The following DGKB variants were observed in gnomAD, a reference collection of about 807,000 sequenced individuals.
The protein encoded by DGKB is diacylglycerol kinase beta.
Under a neutral mutation model 114.3 loss-of-function variants are expected in DGKB, and 67 were observed. The observed-to-expected ratio is 0.59, with a 90% confidence interval of 0.48 to 0.72. The LOEUF (loss-of-function observed/expected upper bound fraction) is 0.72. Ranked by LOEUF, DGKB falls within the 30% of genes least tolerant of loss-of-function variation. The pLI is 0.00. For missense variants in DGKB, 907 were observed against 975.2 expected (o/e 0.93, Z 0.93); for synonymous variants, 398 against 323.1 (o/e 1.23, Z -2.49).
At chr7:14,731,437 C>T (rs1402242471) in intron 5 of DGKB, among the ~76,000 whole-genome samples, 4 of 151,912 alleles carry the variant, frequency 2.6e-5, no homozygotes, top group African/African-American at 9.7e-5. Flanking sequence ...TTTAGATAAA[C>T]TTTAAAAAGT....
intron 1 of DGKB, among the ~76,000 whole-genome samples, chr7:14,971,536 A>G (rs1787467226): frequency 6.6e-6 from 1 of 152,144 alleles, no homozygotes; most frequent in Admixed American, 6.6e-5. Context: ...CCAATTTTTC[A>G]TATTCTAACG....
At position 14,310,995 on chromosome 7, in the gene DGKB, G is replaced by C. The variant is rs150101119; in HGVS notation, c.2122+27520C>G. Among the ~76,000 whole-genome samples the C allele has an allele frequency of 6.0e-3, 915 of 152,076 alleles. 7 individuals carry two copies. The highest frequency in any genetic ancestry group is 0.021 in the African/African-American group (880 of 41,474). ...ATACAAAAATTAGCCAGATGTGGTG[G>C]TGTGCGCCTGCAGTTCCAGCTACTT... On this transcript the variant is annotated intron_variant, in intron 23 of 25. Transcript: ENST00000402815.
intron 1 of DGKB, among the ~76,000 whole-genome samples, chr7:14,863,269 T>C (rs1255801133): frequency 1.3e-5 from 2 of 151,696 alleles, no homozygotes; most frequent in African/African-American, 2.4e-5. Context: ...CCAATTTTCT[T>C]AATATAATAG....
chr7:14,738,058 G>A (rs996250422), intron 4 of DGKB, among the ~76,000 whole-genome samples: 17 of 152,174 alleles, frequency 1.1e-4, no homozygotes, highest in African/African-American at 3.4e-4. Flanking sequence ...AAAACATGGC[G>A]ATTAGGCCAA....
At chr7:14,278,871 G>A (rs903164670) in intron 23 of DGKB, among the ~76,000 whole-genome samples, 3 of 152,192 alleles carry the variant, frequency 2.0e-5, no homozygotes, top group Non-Finnish European at 2.9e-5. Context: ...GAATTGGAAA[G>A]GAGGAGCCAA....
chr7:14,892,899 T>C (rs1781486189), intron 1 of DGKB, among the ~76,000 whole-genome samples: 1 of 149,872 alleles, frequency 6.7e-6, no homozygotes, highest in African/African-American at 2.4e-5. Flanking sequence ...TACACATATG[T>C]ATATGTATAT....
At chr7:14,499,899 C>T (rs1203808798) in intron 20 of DGKB, among the ~76,000 whole-genome samples, 3 of 151,730 alleles carry the variant, frequency 2.0e-5, no homozygotes, top group Admixed American at 6.6e-5. Flanking sequence ...GAATCAGACC[C>T]GTGGCTCATC....
At chr7:14,261,710 A>G in intron 23 of DGKB, among the ~76,000 whole-genome samples, 1 of 151,858 alleles carries the variant, frequency 6.6e-6, no homozygotes, top group East Asian at 1.9e-4. Context: ...CATAGTTTAT[A>G]TAGATATAAT....
rs1190716516 is a variant in DGKB, at chr7:14,163,467, G to T, written c.2304+13372C>A. On this transcript the variant is annotated intron_variant, in intron 25 of 25. Transcript: ENST00000402815. The stretch of plus-strand genomic sequence containing the variant: ...ACTAAACACTGATGTGCCAGTCTTT[G>T]GAAAAATAAATGTTTAAAATTGTAA... 2.6e-5 allele frequency among the ~76,000 whole-genome samples: 4 copies of T among 152,018 alleles called. No individual in the cohort carries two copies. In the South Asian group the frequency reaches 6.2e-4, roughly 24 times the overall value.
At chr7:14,768,155 C>T (rs1271569396) in intron 2 of DGKB, among the ~76,000 whole-genome samples, 1 of 151,832 alleles carries the variant, frequency 6.6e-6, no homozygotes, top group East Asian at 1.9e-4. Context: ...AAATATTGTT[C>T]CCAAATCTTA....
intron 21 of DGKB, among the ~76,000 whole-genome samples, chr7:14,402,246 A>G (rs1218707165): frequency 6.6e-6 from 1 of 151,830 alleles, no homozygotes; most frequent in Admixed American, 6.6e-5. Context: ...CAGCTTAGCT[A>G]TTTCTGTAAG....
intron 20 of DGKB, among the ~76,000 whole-genome samples, chr7:14,530,906 A>G (rs1250470820): frequency 6.6e-6 from 1 of 151,594 alleles, no homozygotes; most frequent in Non-Finnish European, 1.5e-5. Flanking sequence ...TTTACAAAAT[A>G]ACTTCAGAAT....
Position 14,954,354 on chromosome 7 carries a change from A to C in DGKB, c.-188+20342T>G, listed in dbSNP as rs373065991. On this transcript the variant is annotated intron_variant, in intron 1 of 4. Coordinates refer to the DGKB transcript ENST00000437998. ...ATGAAAATGCTTGGAGAAATACATT[A>C]AGTGTCAGAGAGGTATGGGATAAGA... 7.2e-5 allele frequency among the ~76,000 whole-genome samples: 11 copies of C among 152,192 alleles called. No homozygotes were observed. In the East Asian group the frequency reaches 2.1e-3, roughly 30 times the overall value.
intron 21 of DGKB, among the ~76,000 whole-genome samples, chr7:14,370,124 T>C (rs1019332297): frequency 1.3e-5 from 2 of 152,210 alleles, no homozygotes; most frequent in African/African-American, 2.4e-5. Flanking sequence ...AATTTTTGTA[T>C]AAGGTGTAAG....
chr7:14,319,295 A>AG lies in DGKB; in HGVS notation c.2122+19219_2122+19220insC, dbSNP rs1434403699. ...TAAAACTTAAAGTATAATAATAAAA[A>AG]AAAATATTGCAATAAATGGAATGTA... is the stretch of plus-strand genomic sequence containing the variant. On this transcript the variant is annotated intron_variant, in intron 23 of 25. Transcript: ENST00000402815. Among the ~76,000 whole-genome samples the AG allele has an allele frequency of 1.8e-4, 28 of 151,814 alleles. 3 individuals carry two copies. Among genetic ancestry groups the AG allele is most frequent in the Admixed American group, 1.4e-3 (21 of 15,230 alleles).
intron 21 of DGKB, among the ~76,000 whole-genome samples, chr7:14,420,201 T>A (rs13232324): frequency 0.26 from 40,163 of 151,572 alleles, 5,833 homozygotes; most frequent in East Asian, 0.49. Flanking sequence ...AAATTTTTTG[T>A]TTATATATGT....
intron 23 of DGKB, among the ~76,000 whole-genome samples, chr7:14,331,889 G>C (rs1809776440): frequency 6.6e-6 from 1 of 152,108 alleles, no homozygotes; most frequent in Non-Finnish European, 1.5e-5. Flanking sequence ...GATACTCCTT[G>C]ACAGCCAATC....
At chr7:14,958,251 A>G (rs36901) in intron 1 of DGKB, among the ~76,000 whole-genome samples, 58,638 of 151,820 alleles carry the variant, frequency 0.39, 12,512 homozygotes, top group African/African-American at 0.57. Context: ...AATGAAGAAA[A>G]CTTCTGAGAG....
chr7:14,149,411 G>A (rs1781853553), intron 25 of DGKB, among the ~76,000 whole-genome samples, 173 bp from the exon 26 acceptor site: 1 of 152,098 alleles, frequency 6.6e-6, no homozygotes, highest in Non-Finnish European at 1.5e-5. Flanking sequence ...ATTTTTAAGG[G>A]AGATAGGGAT....
Sources: allele counts gnomAD v4.1 joint callset (sites outside exome capture counted in the v4.1 genomes callset), GRCh38; gene constraint gnomAD v4.1.1; transcripts MANE v1.5; gene names NCBI Gene and HGNC (gene_info 2026-07-23, HGNC 2026-07-21).